Variants in ZNF516 observed in about 807,000 individuals in gnomAD.
ZNF516 encodes zinc finger protein 516.
In ZNF516, 19 loss-of-function variants were observed where a neutral mutation model predicts 79.7. The ratio of observed to expected loss-of-function variants is 0.24; its 90% CI spans 0.17 to 0.35. ZNF516 has a LOEUF of 0.35. Among genes scored for constraint, ZNF516 ranks in the 10% least tolerant of loss-of-function variants. The pLI, the probability that ZNF516 is intolerant of heterozygous loss-of-function variation, is 1.00. For missense variants in ZNF516, 1,678 were observed against 1,679.5 expected, an observed-to-expected ratio of 1.00 and a Z score of 0.02; for synonymous variants, 877 against 739.5, an observed-to-expected ratio of 1.19 and a Z score of -3.02.
intron 3 of ZNF516, among the ~76,000 whole-genome samples, chr18:76,391,949 C>T (rs916859941): frequency 7.3e-5 from 10 of 136,138 alleles, no homozygotes; most frequent in Admixed American, 5.2e-4. Flanking sequence ...AGCAGGGGAA[C>T]GTGACACTCA....
At chr18:76,365,446 A>T (rs2074599399) in intron 6 of ZNF516, among the ~76,000 whole-genome samples, 1 of 152,244 alleles carries the variant, frequency 6.6e-6, no homozygotes, top group Admixed American at 6.5e-5. Flanking sequence ...GCAACACTAA[A>T]GAAACTTCCT....
intron 1 of ZNF516, among the ~76,000 whole-genome samples, chr18:76,479,705 G>C (rs917615165): frequency 6.6e-6 from 1 of 152,250 alleles, no homozygotes; most frequent in Non-Finnish European, 1.5e-5. Context: ...CAGGGAACAT[G>C]GGAAATACCA....
At position 76,389,931 on chromosome 18, in the gene ZNF516, G is replaced by A. The variant is rs117685482; in HGVS notation, c.1811-9628C>T. ...CATGACCTCACCTGTGGTCCCGAGCGATAGTGGGCAGCACGCAGTTTTATT... is the reference window on the plus strand; with the variant it reads ...CATGACCTCACCTGTGGTCCCGAGCAATAGTGGGCAGCACGCAGTTTTATT... On this transcript the variant is annotated intron_variant, in intron 3 of 6. Coordinates refer to ENST00000443185, the MANE Select transcript of ZNF516 (RefSeq NM_014643.4). Among the ~76,000 whole-genome samples, 99 of 152,326 alleles carry A rather than the reference G, an allele frequency of 6.5e-4. 2 individuals are homozygous for A. In the East Asian group the frequency reaches 0.016, roughly 25 times the overall value.
At chr18:76,418,658 G>A (rs972833290) in intron 3 of ZNF516, among the ~76,000 whole-genome samples, 3 of 152,036 alleles carry the variant, frequency 2.0e-5, no homozygotes, top group Non-Finnish European at 4.4e-5. Flanking sequence ...TGTGCTTCTG[G>A]GTTACCTCTA....
In ZNF516 at chr18:76,359,929, C is replaced by T. The variant is rs1335764069; in HGVS notation, c.*2569G>A. ...AACAAATTAACAAACCAACACAATA[C>T]TGACGATGGGTGGAAGGAAGGGACC... is the stretch of plus-strand genomic sequence containing the variant. On this transcript the variant is annotated 3_prime_UTR_variant, in exon 7 of 7. Transcript: ENST00000443185. 6.6e-6 allele frequency: 1 copy of T among 152,234 alleles called. No homozygotes were observed. Among genetic ancestry groups the T allele is most frequent in the Non-Finnish European group, 1.5e-5 (1 of 68,040 alleles). The allele number at this position is 152,234 out of a possible 1,614,324, so 9.4% of individuals were successfully genotyped here.
intron 6 of ZNF516, among the ~76,000 whole-genome samples, chr18:76,366,176 C>T (rs933961092): frequency 2.6e-5 from 4 of 152,174 alleles, no homozygotes; most frequent in African/African-American, 9.7e-5. Flanking sequence ...TTATTTATTC[C>T]TGATTCTAAC....
chr18:76,488,209 T>C, intron 1 of ZNF516: 1 of 985,350 alleles, frequency 1.0e-6, no homozygotes, highest in Non-Finnish European at 1.2e-6. Context: ...GAGATGCAGC[T>C]CCCAACAACA....
chr18:76,450,093 A>G (rs554357652), intron 2 of ZNF516, among the ~76,000 whole-genome samples: 178 of 151,042 alleles, frequency 1.2e-3, no homozygotes, highest in Non-Finnish European at 2.0e-3. Flanking sequence ...GAGATGTGTA[A>G]TGAAATATTT....
At chr18:76,482,674 G>A (rs371848819) in intron 1 of ZNF516, among the ~76,000 whole-genome samples, 1 of 152,216 alleles carries the variant, frequency 6.6e-6, no homozygotes, top group African/African-American at 2.4e-5. Context: ...CAGCCCTGTC[G>A]TAAATTAGAG....
chr18:76,405,975 C>T (rs771396460), intron 3 of ZNF516, among the ~76,000 whole-genome samples: 2 of 152,154 alleles, frequency 1.3e-5, no homozygotes, highest in African/African-American at 4.8e-5. Flanking sequence ...CACTGAACAA[C>T]TCAGTCATGC....
At chr18:76,366,900 C>G (rs576299929) in intron 6 of ZNF516, among the ~76,000 whole-genome samples, 1 of 152,202 alleles carries the variant, frequency 6.6e-6, no homozygotes, top group Non-Finnish European at 1.5e-5. Context: ...AGCCTCTACT[C>G]AATAACCCAA....
At chr18:76,411,275 T>C (rs1472727332) in intron 3 of ZNF516, among the ~76,000 whole-genome samples, 1 of 152,182 alleles carries the variant, frequency 6.6e-6, no homozygotes, top group African/African-American at 2.4e-5. Flanking sequence ...CCTTTCGCAA[T>C]ACCCCAGAGA....
chr18:76,361,438 TC>T lies in ZNF516; in HGVS notation c.*1059del, dbSNP rs779630294. On this transcript the variant is annotated 3_prime_UTR_variant, in exon 7 of 7. Transcript: ENST00000443185. ...CACCCTTTATGAACAAAGTCACTCA[TC>T]CTGTGGAGGTCACCAGGCCCAGGGA... 1.3e-5 allele frequency: 2 copies of T among 152,284 alleles called. No individual in the cohort carries two copies. The highest frequency in any genetic ancestry group is 6.5e-5 in the Admixed American group (1 of 15,304). The allele number at this position is 152,284 out of a possible 1,614,324, so 9.4% of individuals were successfully genotyped here. A position where few individuals can be genotyped will look rare whatever the true frequency, so the allele number is the denominator to read the frequency against.
chr18:76,377,091 G>A (rs1011675846), intron 4 of ZNF516, among the ~76,000 whole-genome samples: 2 of 152,208 alleles, frequency 1.3e-5, no homozygotes, highest in Non-Finnish European at 2.9e-5. Context: ...GAGGGAACTC[G>A]CTCACTGTAA....
intron 1 of ZNF516, among the ~76,000 whole-genome samples, chr18:76,465,281 A>G (rs1913392076): frequency 6.6e-6 from 1 of 152,242 alleles, no homozygotes; most frequent in African/African-American, 2.4e-5. Context: ...GCCCCTGGAC[A>G]CCAGCTTCAG....
rs754227209 is a variant in ZNF516 at position 76,442,728 on chromosome 18, C to A, written c.327G>T (p.Glu109Asp). Residue 109 changes from glutamate (E) to aspartate (D), a missense_variant, in exon 3 of 7, where the codon GAG becomes GAT. Coordinates refer to ENST00000443185, the MANE Select transcript of ZNF516 (RefSeq NM_014643.4). The stretch of plus-strand genomic sequence containing the variant: ...TGGGGCTGGCGCAGGCGTCCAGGCC[C>A]TCGGAGGCGCGCATCTCACCCAGCG... ...EAPLGEMRAS[E>D]GLDACASPTK... 1.5e-5 allele frequency: 24 copies of A among 1,580,856 alleles called. No individual in the cohort carries two copies. Among genetic ancestry groups the A allele is most frequent in the Non-Finnish European group, 2.1e-5 (24 of 1,163,884 alleles).
chr18:76,449,733 G>A (rs1341244186), intron 2 of ZNF516, among the ~76,000 whole-genome samples: 1 of 152,204 alleles, frequency 6.6e-6, no homozygotes, highest in East Asian at 1.9e-4. Flanking sequence ...TTCAATAAGT[G>A]AATGAAATAT....
At chr18:76,374,417 T>C (rs554939322) in intron 4 of ZNF516, among the ~76,000 whole-genome samples, 3 of 152,346 alleles carry the variant, frequency 2.0e-5, no homozygotes, top group African/African-American at 7.2e-5. Flanking sequence ...TCTTCTTAAA[T>C]GGTCAGGGAG....
chr18:76,378,771 G>A, intron 4 of ZNF516, 84 bp downstream of exon 4: 2 of 1,508,210 alleles, frequency 1.3e-6, no homozygotes, highest in South Asian at 1.3e-5. Flanking sequence ...ACATGGACAG[G>A]CAGGTGCGCA....
Sources: allele counts gnomAD v4.1 joint callset (sites outside exome capture counted in the v4.1 genomes callset), GRCh38; gene constraint gnomAD v4.1.1; transcripts MANE v1.5; gene names NCBI Gene and HGNC (gene_info 2026-07-23, HGNC 2026-07-21).